ZFHX3: variants seen among roughly 807,000 people sequenced by gnomAD.
ZFHX3 encodes the protein zinc finger homeobox protein 3.
Under a neutral mutation model 279.1 loss-of-function variants are expected in ZFHX3, and 42 were observed. That is an observed-to-expected ratio of 0.15 (90% CI 0.12 to 0.19). The LOEUF (loss-of-function observed/expected upper bound fraction) is 0.19, where lower values mean the gene tolerates loss of function less well. Ranked by LOEUF, ZFHX3 falls within the 10% of genes least tolerant of loss-of-function variation. ZFHX3 has a pLI of 1.00. For missense variants in ZFHX3, 4,981 were observed against 4,754.0 expected (o/e 1.05, Z -1.40); for synonymous variants, 2,293 against 1,957.8 (o/e 1.17, Z -4.52).
rs147087481 is a variant in ZFHX3 at position 72,861,940 on chromosome 16, G to A, written c.3448+27791C>T. Among the ~76,000 whole-genome samples, 266 of 152,244 alleles carry A rather than the reference G, an allele frequency of 1.7e-3. 4 individuals are homozygous for A. The highest frequency in any genetic ancestry group is 5.8e-4 in the East Asian group (3 of 5,182). ...TGAGGCACGAGAATTGCTTGAACCCGGGAGGCAGAGGCTGCAATGAGTCAA... is the reference window on the plus strand; with the variant it reads ...TGAGGCACGAGAATTGCTTGAACCCAGGAGGCAGAGGCTGCAATGAGTCAA... On this transcript the variant is annotated intron_variant, in intron 4 of 9. Transcript: ENST00000268489.
At position 73,203,256 on chromosome 16, in the gene ZFHX3, G is replaced by T. The variant is rs891163031; in HGVS notation, c.-1104+53791C>A. On this transcript the variant is annotated intron_variant, in intron 5 of 17. Transcript: ENST00000641206. Reference sequence around the variant, plus strand: ...CTTACTGCCAGGCACTCAGTAGGAAGGGTGGGTGGAGAGATAAATGGCTGG... The same window carrying T: ...CTTACTGCCAGGCACTCAGTAGGAATGGTGGGTGGAGAGATAAATGGCTGG... Among the ~76,000 whole-genome samples, 3 of 152,202 alleles carry T rather than the reference G, an allele frequency of 2.0e-5. No individual in the cohort carries two copies. In the East Asian group the frequency reaches 5.8e-4, roughly 29 times the overall value.
intron 6 of ZFHX3, among the ~76,000 whole-genome samples, chr16:73,131,298 C>T (rs1017961200): frequency 2.0e-5 from 3 of 152,158 alleles, no homozygotes; most frequent in Non-Finnish European, 4.4e-5. Flanking sequence ...TTGTGAAGTA[C>T]TTAATAAACG....
intron 4 of ZFHX3, among the ~76,000 whole-genome samples, chr16:73,277,060 T>G (rs1383695143): frequency 6.6e-6 from 1 of 152,200 alleles, no homozygotes; most frequent in East Asian, 1.9e-4. Flanking sequence ...TCCTGAGTTA[T>G]TTTCATTAAA....
rs143457659 is a variant in ZFHX3 at position 73,775,052 on chromosome 16, A to G, written c.-1607-94812T>C. ...CCTGCTTCCATCCCCGCCTCTTCTCATTCCATTTTTCAAGTATAGACACAG... is the reference window on the plus strand; with the variant it reads ...CCTGCTTCCATCCCCGCCTCTTCTCGTTCCATTTTTCAAGTATAGACACAG... On this transcript the variant is annotated intron_variant, in intron 1 of 17. Transcript: ENST00000641206. Among the ~76,000 whole-genome samples, 1,245 of 152,206 alleles carry G rather than the reference A, an allele frequency of 8.2e-3. 6 individuals are homozygous for G. Among genetic ancestry groups the G allele is most frequent in the Middle Eastern group, 0.014 (4 of 294 alleles).
chr16:73,175,573 C>T (rs1967645692), intron 5 of ZFHX3, among the ~76,000 whole-genome samples: 1 of 152,210 alleles, frequency 6.6e-6, no homozygotes, highest in Non-Finnish European at 1.5e-5. Flanking sequence ...ACACACAAAA[C>T]ATCTAGACCA....
chr16:73,195,765 A>G (rs1182764200), intron 5 of ZFHX3, among the ~76,000 whole-genome samples: 2 of 152,188 alleles, frequency 1.3e-5, no homozygotes, highest in Non-Finnish European at 2.9e-5. Flanking sequence ...AGCAAAAAAA[A>G]TAGGACAGGT....
At chr16:73,811,578 G>GA (rs1960427354) in intron 1 of ZFHX3, among the ~76,000 whole-genome samples, 1 of 151,474 alleles carries the variant, frequency 6.6e-6, no homozygotes, top group African/African-American at 2.4e-5. Context: ...TGGAGTAGCT[G>GA]GGACTACAGG....
chr16:72,948,508 A>G (rs890282060), intron 3 of ZFHX3, among the ~76,000 whole-genome samples: 3 of 152,190 alleles, frequency 2.0e-5, no homozygotes, highest in African/African-American at 7.2e-5. Flanking sequence ...CCGTGGACAC[A>G]GTTTGGGGAC....
intron 4 of ZFHX3, among the ~76,000 whole-genome samples, chr16:73,306,623 C>T (rs1263722685): frequency 2.0e-5 from 3 of 152,132 alleles, no homozygotes; most frequent in South Asian, 2.1e-4. Context: ...GCATCTGGCC[C>T]GCATGAATAT....
At chr16:73,227,146 A>C (rs1046562535) in intron 5 of ZFHX3, among the ~76,000 whole-genome samples, 2 of 152,224 alleles carry the variant, frequency 1.3e-5, no homozygotes, top group Non-Finnish European at 2.9e-5. Flanking sequence ...AAAAGCACTT[A>C]GCATCTCATA....
intron 7 of ZFHX3, among the ~76,000 whole-genome samples, chr16:73,120,837 A>G (rs1186693242): frequency 1.3e-5 from 2 of 151,386 alleles, no homozygotes; most frequent in Non-Finnish European, 2.9e-5. Context: ...TATATTTTTA[A>G]TAGAGATGGG....
rs866561722 is a variant in ZFHX3, at chr16:73,218,684, G to A, written c.-1104+38363C>T. ...CTCAGGAGGCTGAGGCAGTAGAATTGCTTGAACCCGGGAGGTGGAGGTTGC... is the reference window on the plus strand; with the variant it reads ...CTCAGGAGGCTGAGGCAGTAGAATTACTTGAACCCGGGAGGTGGAGGTTGC... On this transcript the variant is annotated intron_variant, in intron 5 of 17. Transcript: ENST00000641206. 1.9e-4 allele frequency among the ~76,000 whole-genome samples: 29 copies of A among 152,278 alleles called. 1 individual carries two copies. The highest frequency in any genetic ancestry group is 5.2e-4 in the Admixed American group (8 of 15,296).
At chr16:73,809,181 C>T (rs1960362956) in intron 1 of ZFHX3, 1 of 152,136 alleles carries the variant, frequency 6.6e-6, no homozygotes, top group Admixed American at 6.5e-5. Context: ...AGGTAGAGTT[C>T]CTGGGAGGAA....
At chr16:73,088,919 G>C (rs905254357) in intron 8 of ZFHX3, among the ~76,000 whole-genome samples, 1 of 152,120 alleles carries the variant, frequency 6.6e-6, no homozygotes, top group Non-Finnish European at 1.5e-5. Context: ...TGGGGGTCCA[G>C]GGCAGGTGGC....
At chr16:72,917,730 A>T (rs2039477199) in intron 3 of ZFHX3, among the ~76,000 whole-genome samples, 1 of 152,242 alleles carries the variant, frequency 6.6e-6, no homozygotes, top group African/African-American at 2.4e-5. Context: ...AATGTTTAAA[A>T]TTTAAAGCAT....
At position 72,785,066 on chromosome 16, in the gene ZFHX3, TAAGG is replaced by T. The variant is rs1457742999; in HGVS notation, c.*2094_*2097del. 3 of 152,572 alleles carry T rather than the reference TAAGG, an allele frequency of 2.0e-5. No homozygotes were observed. Among genetic ancestry groups the T allele is most frequent in the African/African-American group, 7.2e-5 (3 of 41,428 alleles). 9.5% of individuals were successfully genotyped at this position (152,572 alleles called of 1,614,324 possible). A position where few individuals can be genotyped will look rare whatever the true frequency, so the allele number is the denominator to read the frequency against. ...GTCTTCAAAGTTCCCTTTTGAAACA[TAAGG>T]AAGAAAACGAAGGGAAGAAGGATTT... On this transcript the variant is annotated 3_prime_UTR_variant, in exon 10 of 10. Coordinates refer to ENST00000268489, the MANE Select transcript of ZFHX3 (RefSeq NM_006885.4).
chr16:73,268,815 C>T (rs189337796), intron 4 of ZFHX3, among the ~76,000 whole-genome samples: 381 of 152,252 alleles, frequency 2.5e-3, no homozygotes, highest in Non-Finnish European at 3.5e-3. Context: ...GTGGCCATCC[C>T]TGGGACATGC....
chr16:73,503,531 G>A (rs1205637722), intron 2 of ZFHX3, among the ~76,000 whole-genome samples: 1 of 152,166 alleles, frequency 6.6e-6, no homozygotes, highest in African/African-American at 2.4e-5. Flanking sequence ...ATTGACAGCT[G>A]CACATCCATT....
At chr16:73,586,266 G>A (rs2051924869) in intron 2 of ZFHX3, among the ~76,000 whole-genome samples, 1 of 152,036 alleles carries the variant, frequency 6.6e-6, no homozygotes, top group South Asian at 2.1e-4. Flanking sequence ...GCACATGCCT[G>A]TAATCCCAGC....
Sources: allele counts gnomAD v4.1 joint callset (sites outside exome capture counted in the v4.1 genomes callset), GRCh38; gene constraint gnomAD v4.1.1; transcripts MANE v1.5; gene names NCBI Gene and HGNC (gene_info 2026-07-23, HGNC 2026-07-21).